Variants in ZNF589 observed in about 807,000 individuals in gnomAD.
The protein encoded by ZNF589 is KRAB-zinc finger protein SZF1-1.
ZNF589 carries 17 observed loss-of-function variants against 13.6 expected under a neutral mutation model. The ratio of observed to expected loss-of-function variants is 1.25; its 90% CI spans 0.86 to 1.88. The LOEUF is 1.88. Among genes scored for constraint, ZNF589 ranks in the 40% most tolerant of loss-of-function variants. The pLI is 0.00. For synonymous variants in ZNF589, 148 were observed against 161.6 expected (o/e 0.92, Z 0.64); for missense variants, 407 against 434.0 (o/e 0.94, Z 0.55).
In ZNF589 at chr3:48,260,851, T is replaced by G; in HGVS notation, c.135T>G (p.Thr45=). The G allele has an allele frequency of 5.0e-6, 8 of 1,614,206 alleles. No individual in the cohort carries two copies. Among genetic ancestry groups the G allele is most frequent in the Non-Finnish European group, 5.9e-6 (7 of 1,180,030 alleles). The part of the protein sequence containing the change: ...VTFEDVAVLF[T]EAEWKRLSLE... ...TCGAGGATGTGGCTGTGCTTTTCAC[T>G]GAGGCAGAGTGGAAGAGACTGAGCC... The change falls in exon 3 of 4, where the codon ACT becomes ACG. Residue 45 remains threonine, a synonymous_variant. Coordinates refer to ENST00000354698, the MANE Select transcript of ZNF589 (RefSeq NM_016089.3).
In ZNF589 at chr3:48,268,777, CAG is replaced by C. The variant is rs749626235; in HGVS notation, c.1090_1091del (p.Asp364LeufsTer21). The C allele has an allele frequency of 6.2e-7, 1 of 1,611,664 alleles. No individual in the cohort carries two copies. On this transcript the variant is annotated frameshift_variant, in exon 4 of 4. Transcript: ENST00000354698. LOFTEE classifies it high-confidence loss of function. ...IHTGDKPYVC[R>X]D ...ACACGGGGGATAAGCCTTATGTGTG[CAG>C]AGATTGAGGCCGAGGCTTTGTAAGG... is the stretch of plus-strand genomic sequence containing the variant.
chr3:48,267,886 T>A (rs980674119), intron 3 of ZNF589, 29 bp from the exon 4 acceptor site: 2 of 1,576,390 alleles, frequency 1.3e-6, no homozygotes, highest in South Asian at 1.2e-5. Context: ...TTCCTATGAC[T>A]CTTCTGACTG....
chr3:48,241,336 C>G, intron 1 of ZNF589, 122 bp downstream of exon 1: 1 of 1,261,622 alleles, frequency 7.9e-7, no homozygotes, highest in South Asian at 1.4e-5. Flanking sequence ...CGCTGACTAC[C>G]CCTACAGCGG....
intron 1 of ZNF589, 79 bp downstream of exon 1, chr3:48,241,293 C>A: frequency 6.4e-7 from 1 of 1,551,066 alleles, no homozygotes. Flanking sequence ...CCGTATCCAC[C>A]AGGGATGCGC....
chr3:48,259,761 C>CA (rs1166628828), intron 2 of ZNF589, among the ~76,000 whole-genome samples: 1 of 151,366 alleles, frequency 6.6e-6, no homozygotes, highest in Non-Finnish European at 1.5e-5. Flanking sequence ...AAACAAAATA[C>CA]AAAAAAAATT....
Position 48,268,412 on chromosome 3 carries a change from T to C in ZNF589, c.721T>C (p.Ser241Pro), listed in dbSNP as rs2034046237. Residue 241 changes from serine to proline, a missense_variant, in exon 4 of 4, where the codon TCT becomes CCT. Transcript: ENST00000354698. ...FRQKAVTAEK[S>P]SDKRQSQVCR... is the part of the protein sequence containing the mutation. Reference sequence around the variant, plus strand: ...ACAGAAGGCAGTCACAGCAGAAAAATCTTCAGACAAAAGGCAGTCACAGGT... The same window carrying C: ...ACAGAAGGCAGTCACAGCAGAAAAACCTTCAGACAAAAGGCAGTCACAGGT... 2 of 1,613,936 alleles carry C rather than the reference T, an allele frequency of 1.2e-6. No individual in the cohort carries two copies. Among genetic ancestry groups the C allele is most frequent in the Non-Finnish European group, 1.7e-6 (2 of 1,180,020 alleles).
chr3:48,253,750 C>T (rs1228722739), intron 2 of ZNF589, among the ~76,000 whole-genome samples: 1 of 152,012 alleles, frequency 6.6e-6, no homozygotes, highest in Non-Finnish European at 1.5e-5. Flanking sequence ...GATCCACCCA[C>T]CTCGGCCTCC....
At chr3:48,267,485 C>T (rs2034032099) in intron 3 of ZNF589, among the ~76,000 whole-genome samples, 1 of 152,076 alleles carries the variant, frequency 6.6e-6, no homozygotes, top group Non-Finnish European at 1.5e-5. Flanking sequence ...CAACCTCTGC[C>T]TCCCGGGTTC....
chr3:48,250,082 C>T (rs1025730454), intron 2 of ZNF589, among the ~76,000 whole-genome samples: 6 of 150,588 alleles, frequency 4.0e-5, no homozygotes, highest in South Asian at 2.1e-4. Context: ...GAGCCGAGAT[C>T]GAGCCACTGC....
At chr3:48,247,999 T>C (rs2033787719) in intron 2 of ZNF589, among the ~76,000 whole-genome samples, 2 of 152,238 alleles carry the variant, frequency 1.3e-5, no homozygotes, top group South Asian at 4.1e-4. Context: ...CAAATAGTTA[T>C]AACACTTTAA....
intron 1 of ZNF589, among the ~76,000 whole-genome samples, chr3:48,247,420 A>C (rs139914499): frequency 6.6e-6 from 1 of 152,046 alleles, no homozygotes; most frequent in Non-Finnish European, 1.5e-5. Flanking sequence ...AATTAAGATC[A>C]GTGTTTCTGT....
chr3:48,265,132 C>G (rs2034006397), intron 3 of ZNF589, among the ~76,000 whole-genome samples: 1 of 151,702 alleles, frequency 6.6e-6, no homozygotes, highest in Non-Finnish European at 1.5e-5. Context: ...CCACCATGCC[C>G]TGCTAATTTT....
rs2034077496 is a variant in ZNF589, at chr3:48,270,404, A to G, written c.*1618A>G. The G allele has an allele frequency of 5.5e-6, 2 of 363,118 alleles. No individual in the cohort carries two copies. Among genetic ancestry groups the G allele is most frequent in the Non-Finnish European group, 1.1e-5 (2 of 185,592 alleles). The allele number at this position is 363,118 out of a possible 1,614,324, so 22.5% of individuals were successfully genotyped here. ...CAATACCAGGTTTAAGGGTATTTTA[A>G]ACACAGCTCCTCTTAAATCCTCCAA... On this transcript the variant is annotated 3_prime_UTR_variant, in exon 4 of 4. Transcript: ENST00000354698.
At chr3:48,252,954 C>T (rs1040623425) in intron 2 of ZNF589, among the ~76,000 whole-genome samples, 28 of 152,106 alleles carry the variant, frequency 1.8e-4, no homozygotes, top group Admixed American at 1.8e-3. Flanking sequence ...TTTTCTGGTC[C>T]ATCAGCGCAG....
chr3:48,265,057 C>T (rs1467755727), intron 3 of ZNF589, among the ~76,000 whole-genome samples: 6 of 151,570 alleles, frequency 4.0e-5, no homozygotes, highest in Non-Finnish European at 7.4e-5. Context: ...CTGCAACCTC[C>T]GCCTCCTGGG....
intron 3 of ZNF589, among the ~76,000 whole-genome samples, chr3:48,262,015 T>C (rs563140916): frequency 6.6e-6 from 1 of 152,346 alleles, no homozygotes; most frequent in East Asian, 1.9e-4. Flanking sequence ...CCTGAAACTT[T>C]GGATCTCACT....
At chr3:48,250,807 G>A (rs920072368) in intron 2 of ZNF589, among the ~76,000 whole-genome samples, 1 of 152,012 alleles carries the variant, frequency 6.6e-6, no homozygotes, top group Non-Finnish European at 1.5e-5. Flanking sequence ...TGAATATTTT[G>A]TTCTAGCCTA....
chr3:48,263,513 C>T (rs143500738), intron 3 of ZNF589, among the ~76,000 whole-genome samples: 6,556 of 152,160 alleles, frequency 0.043, 472 homozygotes, highest in African/African-American at 0.15. Flanking sequence ...GAGGCCAAGG[C>T]GGGCAGATCA....
intron 2 of ZNF589, among the ~76,000 whole-genome samples, chr3:48,254,835 A>G (rs1046598504): frequency 6.7e-6 from 1 of 149,972 alleles, no homozygotes; most frequent in Non-Finnish European, 1.5e-5. Context: ...CAACCTTTCT[A>G]TGTTTGCTTA....
Sources: gnomAD v4.1 joint callset for allele counts (sites outside exome capture counted in the v4.1 genomes callset) on GRCh38, gnomAD v4.1.1 for gene constraint, MANE v1.5 for transcripts, NCBI Gene and HGNC (gene_info 2026-07-23, HGNC 2026-07-21) for gene names.